The following UNC13C variants were observed in gnomAD, a reference collection of about 807,000 sequenced individuals.
UNC13C encodes protein unc-13 homolog C.
UNC13C carries 174 observed loss-of-function variants against 245.4 expected under a neutral mutation model. The ratio of observed to expected loss-of-function variants is 0.71; its 90% confidence interval spans 0.63 to 0.80. The LOEUF (loss-of-function observed/expected upper bound fraction) is 0.80, where lower values mean the gene tolerates loss of function less well. UNC13C is among the 30% of genes least tolerant of loss of function. The pLI, the probability that UNC13C is intolerant of heterozygous loss-of-function variation, is 0.00. For missense variants in UNC13C, 2,829 were observed against 2,602.9 expected (o/e 1.09, Z -1.89); for synonymous variants, 992 against 895.1 (o/e 1.11, Z -1.93).
At chr15:53,863,855 G>A in the UNC13C span, among the ~76,000 whole-genome samples, 1 of 152,084 alleles carries the variant, frequency 6.6e-6, no homozygotes. Context: ...CTTTGCCCAT[G>A]TGCTTAGCAG....
At chr15:54,040,118 C>G (rs779928475) in intron 2 of UNC13C, among the ~76,000 whole-genome samples, 2 of 152,154 alleles carry the variant, frequency 1.3e-5, no homozygotes, top group East Asian at 3.9e-4. Flanking sequence ...TCACTCTGTT[C>G]TAGTCACCTG....
rs111974260 is a variant in UNC13C at position 54,568,644 on chromosome 15, C to T, written c.6106+697C>T. Reference sequence around the variant, plus strand: ...TAAGAGATTATTGAAAATGTCAGTACGAGTCAAAAGAGCCAAATGCAGGCT... The same window carrying T: ...TAAGAGATTATTGAAAATGTCAGTATGAGTCAAAAGAGCCAAATGCAGGCT... On this transcript the variant is annotated intron_variant, in intron 30 of 32. Coordinates refer to ENST00000260323, the MANE Select transcript of UNC13C (RefSeq NM_001080534.3). Among the ~76,000 whole-genome samples, 10 of 152,026 alleles carry T rather than the reference C, an allele frequency of 6.6e-5. 1 individual carries two copies. Among genetic ancestry groups the T allele is most frequent in the Admixed American group, 2.0e-4 (3 of 15,260 alleles).
intron 4 of UNC13C, among the ~76,000 whole-genome samples, chr15:54,203,705 T>C (rs1377708304): frequency 1.4e-5 from 2 of 144,920 alleles, no homozygotes; most frequent in Non-Finnish European, 3.0e-5. Flanking sequence ...TTTATACATA[T>C]ATGTATATAT....
chr15:54,181,082 A>C (rs1595959441), intron 4 of UNC13C, among the ~76,000 whole-genome samples: 1 of 151,964 alleles, frequency 6.6e-6, no homozygotes, highest in African/African-American at 2.4e-5. Flanking sequence ...GCTGATATCT[A>C]GAATGGTGTT....
At chr15:53,983,109 T>G (rs1428820878) in intron 1 of UNC13C, among the ~76,000 whole-genome samples, 1 of 152,176 alleles carries the variant, frequency 6.6e-6, no homozygotes, top group Admixed American at 6.6e-5. Context: ...TTACTGTGAC[T>G]CATTAAATAT....
At chr15:54,382,126 C>G (rs1356966245) in intron 17 of UNC13C, among the ~76,000 whole-genome samples, 3 of 152,048 alleles carry the variant, frequency 2.0e-5, no homozygotes. Flanking sequence ...GGAAAACAAA[C>G]AACACACTCC....
chr15:53,939,161 C>T, the UNC13C span, among the ~76,000 whole-genome samples: 2 of 152,046 alleles, frequency 1.3e-5, no homozygotes, highest in Non-Finnish European at 2.9e-5. Flanking sequence ...GGGATATCAC[C>T]AGTGACCCCA....
chr15:54,313,976 G>A (rs963156727), intron 13 of UNC13C, among the ~76,000 whole-genome samples: 1 of 151,446 alleles, frequency 6.6e-6, no homozygotes, highest in Admixed American at 6.6e-5. Context: ...CTTGTCATTT[G>A]CAACAAGATG....
intron 19 of UNC13C, among the ~76,000 whole-genome samples, chr15:54,425,399 A>G (rs1393968506): frequency 6.6e-6 from 1 of 151,890 alleles, no homozygotes; most frequent in Admixed American, 6.6e-5. Context: ...GAGAATTCAC[A>G]GTACAGGTGA....
chr15:54,543,533 T>A (rs1397836133), intron 26 of UNC13C, among the ~76,000 whole-genome samples: 1 of 151,458 alleles, frequency 6.6e-6, no homozygotes, highest in African/African-American at 2.4e-5. Flanking sequence ...TTAATAAAAA[T>A]TGATAGACTA....
intron 2 of UNC13C, among the ~76,000 whole-genome samples, chr15:54,129,151 G>A (rs1295877837): frequency 2.0e-5 from 3 of 152,176 alleles, no homozygotes. Context: ...GTAATAGGGA[G>A]AGTAGGTCTA....
chr15:54,284,304 T>C (rs2037083277), intron 10 of UNC13C, among the ~76,000 whole-genome samples: 1 of 152,198 alleles, frequency 6.6e-6, no homozygotes, highest in Non-Finnish European at 1.5e-5. Flanking sequence ...AACAAGTATA[T>C]TTGTAATATC....
At chr15:54,377,729 T>C (rs1034301809) in intron 17 of UNC13C, among the ~76,000 whole-genome samples, 1 of 152,020 alleles carries the variant, frequency 6.6e-6, no homozygotes, top group Non-Finnish European at 1.5e-5. Flanking sequence ...GCAAAAGGAG[T>C]GAACCAGCTC....
At chr15:54,056,590 A>C (rs1897537461) in intron 2 of UNC13C, among the ~76,000 whole-genome samples, 2 of 152,174 alleles carry the variant, frequency 1.3e-5, no homozygotes, top group Admixed American at 6.5e-5. Flanking sequence ...CCAACATTCA[A>C]ATTCAGGAAA....
intron 19 of UNC13C, among the ~76,000 whole-genome samples, chr15:54,429,656 TAATTG>T (rs1471979042): frequency 6.6e-6 from 1 of 151,702 alleles, no homozygotes; most frequent in Non-Finnish European, 1.5e-5. Flanking sequence ...GATTTTTTCC[TAATTG>T]AATTCTACAC....
intron 7 of UNC13C, among the ~76,000 whole-genome samples, chr15:54,238,076 G>GTTTTTTTTTTTTTTTTTTTTTTTTTTT (rs10645906): frequency 8.6e-6 from 1 of 115,838 alleles, no homozygotes. Flanking sequence ...ACTTTTATAG[G>GTTTTTTTTTTTTTTTTTTTTTTTTTTT]TTTTTTTTTT....
At chr15:54,604,864 G>T (rs1047478597) in intron 30 of UNC13C, among the ~76,000 whole-genome samples, 2 of 152,206 alleles carry the variant, frequency 1.3e-5, no homozygotes, top group African/African-American at 4.8e-5. Flanking sequence ...TGCTTAAAAT[G>T]TAGAGTCTAA....
chr15:54,328,271 C>T (rs1329296636), intron 14 of UNC13C, among the ~76,000 whole-genome samples: 1 of 151,802 alleles, frequency 6.6e-6, no homozygotes, highest in Non-Finnish European at 1.5e-5. Flanking sequence ...AAATATATGT[C>T]CAATATGTTC....
intron 2 of UNC13C, chr15:54,050,578 T>G (rs924669523): frequency 3.5e-5 from 15 of 431,026 alleles, no homozygotes; most frequent in African/African-American, 2.3e-4. Flanking sequence ...GCTGCTACAC[T>G]TTTTTCCACT....
Sources: gnomAD v4.1 joint callset for allele counts (sites outside exome capture counted in the v4.1 genomes callset) on GRCh38, gnomAD v4.1.1 for gene constraint, MANE v1.5 for transcripts, NCBI Gene and HGNC (gene_info 2026-07-23, HGNC 2026-07-21) for gene names.